Variants in SLIT3 observed in about 807,000 individuals in gnomAD.
SLIT3 encodes the protein slit guidance ligand 3, also known as slit homolog 3 protein.
A neutral mutation model predicts 184.0 loss-of-function variants in SLIT3; 68 were observed. The ratio of observed to expected loss-of-function variants is 0.37; its 90% CI spans 0.30 to 0.45. SLIT3 has a LOEUF of 0.45. Ranked by LOEUF, SLIT3 falls within the 20% of genes least tolerant of loss-of-function variation. The pLI is 1.00. For synonymous variants in SLIT3, 831 were observed against 828.6 expected (o/e 1.00, Z -0.05); for missense variants, 1,707 against 2,026.0 (o/e 0.84, Z 3.02).
chr5:168,760,997 C>T (rs1048344145), intron 15 of SLIT3, 61 bp from the exon 16 acceptor site: 16 of 1,282,962 alleles, frequency 1.2e-5, no homozygotes, highest in East Asian at 2.3e-5. Flanking sequence ...CTTCCACCCC[C>T]CATGGCTTTG....
chr5:168,758,678 G>A (rs1276019682), intron 16 of SLIT3, among the ~76,000 whole-genome samples: 2 of 152,174 alleles, frequency 1.3e-5, no homozygotes, highest in African/African-American at 2.4e-5. Context: ...CCAAGGTGGT[G>A]GCTGCAGGCA....
At chr5:169,208,497 A>G in intron 3 of SLIT3, among the ~76,000 whole-genome samples, 1 of 152,106 alleles carries the variant, frequency 6.6e-6, no homozygotes, top group East Asian at 1.9e-4. Context: ...AGCAAAGAGA[A>G]CAAAGCTGGA....
intron 4 of SLIT3, among the ~76,000 whole-genome samples, chr5:169,175,568 T>C (rs1176976744): frequency 6.6e-6 from 1 of 152,220 alleles, no homozygotes; most frequent in Non-Finnish European, 1.5e-5. Flanking sequence ...CCCCTGGTGC[T>C]TTGTAAGCGT....
At chr5:169,207,666 T>G (rs1201314907) in intron 3 of SLIT3, among the ~76,000 whole-genome samples, 3 of 152,186 alleles carry the variant, frequency 2.0e-5, no homozygotes, top group Non-Finnish European at 2.9e-5. Flanking sequence ...TCATTATCCA[T>G]CTTAGCTGCC....
At chr5:169,170,540 G>T (rs1687025047) in intron 4 of SLIT3, among the ~76,000 whole-genome samples, 1 of 152,224 alleles carries the variant, frequency 6.6e-6, no homozygotes, top group South Asian at 2.1e-4. Context: ...CTGCCCATGC[G>T]GGACAGTGAG....
intron 4 of SLIT3, among the ~76,000 whole-genome samples, chr5:169,088,647 G>T (rs561463543): frequency 1.3e-5 from 2 of 152,102 alleles, no homozygotes; most frequent in Admixed American, 6.5e-5. Flanking sequence ...ATCAGATTGA[G>T]CACTGGCTGC....
chr5:168,707,951 C>T (rs752238291), intron 26 of SLIT3, 25 bp downstream of exon 26: 130 of 1,613,130 alleles, frequency 8.1e-5, no homozygotes, highest in Non-Finnish European at 1.0e-4. Context: ...GGCATGAACA[C>T]GGGGGGGCAG....
intron 4 of SLIT3, among the ~76,000 whole-genome samples, chr5:168,899,479 A>T (rs1001162759): frequency 1.3e-5 from 2 of 152,084 alleles, no homozygotes; most frequent in Non-Finnish European, 2.9e-5. Context: ...ATGCCACTGC[A>T]CTCCAGCCTG....
At chr5:169,084,454 A>ATTTTTTTTTTTTTTTTTTTTTT (rs56062027) in intron 4 of SLIT3, among the ~76,000 whole-genome samples, 7 of 101,420 alleles carry the variant, frequency 6.9e-5, no homozygotes, top group Non-Finnish European at 7.8e-5. Flanking sequence ...CCATGCCCAG[A>ATTTTTTTTTTTTTTTTTTTTTT]TTTTTTTTTT....
At chr5:169,039,565 C>T (rs1339170532) in intron 4 of SLIT3, among the ~76,000 whole-genome samples, 1 of 152,162 alleles carries the variant, frequency 6.6e-6, no homozygotes, top group Non-Finnish European at 1.5e-5. Flanking sequence ...GATCCACCTT[C>T]CTCAGCCTCC....
At chr5:169,263,688 C>T in intron 1 of SLIT3, 2 of 512,736 alleles carry the variant, frequency 3.9e-6, no homozygotes, top group East Asian at 6.7e-5. Context: ...ATAGCACAGA[C>T]ACCCCACACT....
intron 4 of SLIT3, among the ~76,000 whole-genome samples, chr5:169,017,057 T>C (rs1480889373): frequency 6.6e-6 from 1 of 152,190 alleles, no homozygotes; most frequent in Non-Finnish European, 1.5e-5. Flanking sequence ...ACTCTAGTAT[T>C]CTTGAAAGCA....
At chr5:168,973,087 A>G (rs193223547) in intron 4 of SLIT3, among the ~76,000 whole-genome samples, 308 of 151,458 alleles carry the variant, frequency 2.0e-3, no homozygotes, top group Admixed American at 3.1e-3. Flanking sequence ...TGAAGAGCCC[A>G]AAGGCAATAA....
chr5:168,908,511 C>A (rs1181692587), intron 4 of SLIT3, among the ~76,000 whole-genome samples: 1 of 152,130 alleles, frequency 6.6e-6, no homozygotes, highest in African/African-American at 2.4e-5. Flanking sequence ...GTCTCCAATT[C>A]CCAGACCTTT....
rs752757697 is a variant in SLIT3 at position 168,795,521 on chromosome 5, C to T, written c.993G>A (p.Lys331=). The change falls in exon 10 of 36, where the codon AAG becomes AAA. Residue 331 remains lysine (K), a synonymous_variant. Transcript: ENST00000519560. ...AIPAGAFTQY[K]KLKRIDISKN... is the part of the protein sequence containing the mutation. ...GGGAAACTCACATTCGCTTCAGTTTCTTGTACTGGGTGAAGGCTCCTGCAG... is the reference window on the plus strand; with the variant it reads ...GGGAAACTCACATTCGCTTCAGTTTTTTGTACTGGGTGAAGGCTCCTGCAG... 9 of 1,613,480 alleles carry T rather than the reference C, an allele frequency of 5.6e-6. No homozygotes were observed. The African/African-American group carries it at 1.1e-4, about 19-fold the overall frequency.
chr5:168,698,758 C>G (rs1434757287), intron 27 of SLIT3, among the ~76,000 whole-genome samples: 1 of 152,200 alleles, frequency 6.6e-6, no homozygotes, highest in Admixed American at 6.5e-5. Flanking sequence ...TCCTTGAGGA[C>G]TGCATACGAG....
At chr5:168,710,201 G>C (rs1268093834) in intron 25 of SLIT3, 1 of 152,252 alleles carries the variant, frequency 6.6e-6, no homozygotes, top group South Asian at 2.1e-4. Flanking sequence ...TGGAAGCCTG[G>C]TAAGCCTCAA....
At chr5:169,082,208 A>C (rs1759094894) in intron 4 of SLIT3, among the ~76,000 whole-genome samples, 1 of 152,170 alleles carries the variant, frequency 6.6e-6, no homozygotes, top group South Asian at 2.1e-4. Flanking sequence ...CACGCCAAAC[A>C]AACCCCTGCT....
intron 4 of SLIT3, among the ~76,000 whole-genome samples, chr5:169,102,251 C>T (rs1373792638): frequency 3.9e-5 from 6 of 152,190 alleles, no homozygotes; most frequent in African/African-American, 1.4e-4. Flanking sequence ...GTTGAAATCA[C>T]TCCCAGCCAA....
Sources: gnomAD v4.1 joint callset for allele counts (sites outside exome capture counted in the v4.1 genomes callset) on GRCh38, gnomAD v4.1.1 for gene constraint, MANE v1.5 for transcripts, NCBI Gene and HGNC (gene_info 2026-07-23, HGNC 2026-07-21) for gene names.